The following ADTRP variants were observed in gnomAD, a reference collection of about 807,000 sequenced individuals.
The protein encoded by ADTRP is androgen-dependent TFPI-regulating protein.
In ADTRP, 20 loss-of-function variants were observed where a neutral mutation model predicts 27.0. That is an observed-to-expected ratio of 0.74 (90% CI 0.52 to 1.08). The LOEUF is 1.08. Among genes scored for constraint, ADTRP ranks in the 50% least tolerant of loss-of-function variants. The pLI, the probability that ADTRP is intolerant of heterozygous loss-of-function variation, is 0.00. For synonymous variants in ADTRP, 101 were observed against 105.2 expected, an observed-to-expected ratio of 0.96 and a Z score of 0.25; for missense variants, 251 against 275.0, an observed-to-expected ratio of 0.91 and a Z score of 0.62.
chr6:11,724,664 T>C (rs1225798093), intron 4 of ADTRP, among the ~76,000 whole-genome samples: 1 of 152,342 alleles, frequency 6.6e-6, no homozygotes, highest in East Asian at 1.9e-4. Flanking sequence ...GGAACTGGGC[T>C]TCTGTGATTC....
At chr6:11,735,163 C>A (rs909089477) in intron 4 of ADTRP, among the ~76,000 whole-genome samples, 3 of 152,184 alleles carry the variant, frequency 2.0e-5, no homozygotes, top group African/African-American at 7.2e-5. Flanking sequence ...AGTGGACAAA[C>A]CTAGCATGCT....
At chr6:11,757,644 G>A (rs1389363878) in intron 3 of ADTRP, among the ~76,000 whole-genome samples, 1 of 152,178 alleles carries the variant, frequency 6.6e-6, no homozygotes, top group African/African-American at 2.4e-5. Flanking sequence ...TAAAAAAGGA[G>A]AAGAGGCACA....
At chr6:11,756,361 A>C (rs1763214598) in intron 3 of ADTRP, among the ~76,000 whole-genome samples, 1 of 151,970 alleles carries the variant, frequency 6.6e-6, no homozygotes, top group Non-Finnish European at 1.5e-5. Context: ...ATAATAATTT[A>C]ATGGTACAAG....
intron 1 of ADTRP, among the ~76,000 whole-genome samples, chr6:11,770,294 C>T (rs377064119): frequency 2.4e-4 from 36 of 152,264 alleles, no homozygotes; most frequent in African/African-American, 7.2e-4. Context: ...AAAATCCTCC[C>T]AGGTGATTCT....
At chr6:11,763,494 G>A (rs1482638059) in intron 3 of ADTRP, among the ~76,000 whole-genome samples, 1 of 152,236 alleles carries the variant, frequency 6.6e-6, no homozygotes, top group East Asian at 1.9e-4. Context: ...AAGGAAAAAG[G>A]AGCTGTACAG....
intron 3 of ADTRP, among the ~76,000 whole-genome samples, chr6:11,765,431 G>A (rs746268134): frequency 9.4e-5 from 14 of 148,900 alleles, no homozygotes; most frequent in Non-Finnish European, 1.6e-4. Context: ...AGGTTCAAGC[G>A]ATTCTCCTGC....
At chr6:11,720,000 G>A (rs1230275803) in intron 5 of ADTRP, among the ~76,000 whole-genome samples, 1 of 152,210 alleles carries the variant, frequency 6.6e-6, no homozygotes, top group African/African-American at 2.4e-5. Context: ...TAGGACAAGA[G>A]AAAGCTGGGG....
intron 3 of ADTRP, among the ~76,000 whole-genome samples, chr6:11,744,049 C>A (rs1762794351): frequency 6.6e-6 from 1 of 152,146 alleles, no homozygotes; most frequent in Non-Finnish European, 1.5e-5. Flanking sequence ...GGTGCTTGGG[C>A]CATGGGGGTG....
intron 1 of ADTRP, among the ~76,000 whole-genome samples, chr6:11,777,245 G>C (rs1199886491): frequency 1.5e-5 from 1 of 66,966 alleles, no homozygotes; most frequent in African/African-American, 3.9e-5. Context: ...GTCAGGATCA[G>C]TTGTGTGTGT....
chr6:11,766,321 G>A lies in ADTRP; in HGVS notation c.343C>T (p.Pro115Ser), dbSNP rs747082009. The A allele has an allele frequency of 1.9e-6, 3 of 1,612,482 alleles. No homozygotes were observed. Among genetic ancestry groups the A allele is most frequent in the Non-Finnish European group, 2.5e-6 (3 of 1,179,208 alleles). ...GGGATGACAGTATCTAGGACCTTGG[G>A]GTAAATGAGATCTCGATTGTAGAGA... ...LFLYNRDLIY[P>S]KVLDTVIPVW... The change falls in exon 3 of 6, where the codon CCC (proline) becomes TCC (serine). Residue 115 changes from proline (P) to serine (S), a missense_variant. Coordinates refer to ENST00000414691, the MANE Select transcript of ADTRP (RefSeq NM_032744.4).
chr6:11,773,449 C>T (rs1203340010), intron 1 of ADTRP, among the ~76,000 whole-genome samples: 1 of 152,124 alleles, frequency 6.6e-6, no homozygotes, highest in African/African-American at 2.4e-5. Context: ...TCAGCTGATC[C>T]CTTGAGGAGC....
chr6:11,720,617 G>A (rs1026060879), intron 5 of ADTRP, among the ~76,000 whole-genome samples: 11 of 152,114 alleles, frequency 7.2e-5, no homozygotes, highest in South Asian at 2.1e-4. Flanking sequence ...GACTACAGGC[G>A]CCCGCCACCA....
intron 1 of ADTRP, among the ~76,000 whole-genome samples, chr6:11,770,623 C>T (rs1204041451): frequency 6.6e-6 from 1 of 152,070 alleles, no homozygotes; most frequent in Non-Finnish European, 1.5e-5. Context: ...AAAGGGGTGT[C>T]CCAGGGAGGG....
chr6:11,723,558 C>T (rs547777396), intron 4 of ADTRP, 58 bp from the exon 5 acceptor site: 1 of 1,595,284 alleles, frequency 6.3e-7, no homozygotes. Context: ...AAGCCATTTT[C>T]TCATCAGGAT....
intron 3 of ADTRP, among the ~76,000 whole-genome samples, chr6:11,753,435 T>C (rs1763116427): frequency 6.6e-6 from 1 of 152,224 alleles, no homozygotes; most frequent in Non-Finnish European, 1.5e-5. Context: ...CTAAGGGTCA[T>C]TCTCATTGGA....
At chr6:11,753,571 T>G (rs1436760015) in intron 3 of ADTRP, among the ~76,000 whole-genome samples, 1 of 152,224 alleles carries the variant, frequency 6.6e-6, no homozygotes, top group Non-Finnish European at 1.5e-5. Context: ...ATTAGGTTAG[T>G]GAAGTATTAT....
rs571318177 is a variant in ADTRP, at chr6:11,735,790, G to A, written c.391-107C>T. 6.6e-6 allele frequency: 5 copies of A among 758,968 alleles called. No homozygotes were observed. In the Admixed American group the frequency reaches 1.1e-4, roughly 17 times the overall value. 47.0% of individuals were successfully genotyped at this position (758,968 alleles called of 1,614,324 possible). On this transcript the variant is annotated intron_variant, in intron 3 of 5. Transcript: ENST00000414691. The stretch of plus-strand genomic sequence containing the variant: ...GTCTACCTCTTACACACTGCTAGAT[G>A]AAGCTTTCCAGGTCATGCTCCCTAG...
chr6:11,739,824 T>C (rs529493418), intron 3 of ADTRP, among the ~76,000 whole-genome samples: 13 of 152,258 alleles, frequency 8.5e-5, no homozygotes, highest in Non-Finnish European at 1.5e-4. Flanking sequence ...ATCCGACAGG[T>C]CTTTATCACT....
intron 4 of ADTRP, among the ~76,000 whole-genome samples, chr6:11,726,586 G>A (rs1309201534): frequency 1.3e-5 from 2 of 152,182 alleles, no homozygotes; most frequent in African/African-American, 4.8e-5. Flanking sequence ...TTCTCAGCCT[G>A]CAGAATATGA....
Sources: allele counts gnomAD v4.1 joint callset (sites outside exome capture counted in the v4.1 genomes callset), GRCh38; gene constraint gnomAD v4.1.1; transcripts MANE v1.5; gene names NCBI Gene and HGNC (gene_info 2026-07-23, HGNC 2026-07-21).